PAX2: variants seen among roughly 807,000 people sequenced by gnomAD.
PAX2 encodes the protein paired box 2.
Under a neutral mutation model 41.7 loss-of-function variants are expected in PAX2, and 9 were observed. The observed-to-expected ratio is 0.22, with a 90% CI of 0.13 to 0.38. The LOEUF is 0.38. Ranked by LOEUF, PAX2 falls within the 10% of genes least tolerant of loss-of-function variation. The pLI is 1.00. For missense variants in PAX2, 418 were observed against 531.6 expected (o/e 0.79, Z 2.10); for synonymous variants, 221 against 212.7 (o/e 1.04, Z -0.34).
intron 6 of PAX2, 94 bp downstream of exon 6, chr10:100,806,699 AGCAT>A: frequency 4.8e-6 from 5 of 1,037,132 alleles, no homozygotes; most frequent in Non-Finnish European, 6.0e-6. Flanking sequence ...ATGCATAGCC[AGCAT>A]TGTATGTGTT....
intron 5 of PAX2, among the ~76,000 whole-genome samples, chr10:100,793,564 TAA>T (rs1286019400): frequency 6.6e-6 from 1 of 152,182 alleles, no homozygotes; most frequent in Non-Finnish European, 1.5e-5. Flanking sequence ...TCGGGGGAGC[TAA>T]GTTATTCAAA....
chr10:100,791,638 C>T lies in PAX2; in HGVS notation c.616+10273C>T, dbSNP rs1392937274. Among the ~76,000 whole-genome samples the T allele has an allele frequency of 2.0e-5, 3 of 152,194 alleles. No individual in the cohort carries two copies. The highest frequency in any genetic ancestry group is 1.9e-4 in the East Asian group (1 of 5,202). ...CGAGCCAGTGACAGAGGGAGAGATG[C>T]GCGGACACACTCACACACCCTTGCT... On this transcript the variant is annotated intron_variant, in intron 5 of 9. Transcript: ENST00000355243. This position sits in a 1 kb window ranked among gnomAD's most constrained non-coding sequence, Gnocchi z 4.5.
chr10:100,746,141 C>G lies in PAX2; in HGVS notation c.-120C>G. ...CCGCCCCCGCGCGCCCCGCAGCAGC[C>G]GGGCGTTCACTCATCCTCCCTCCCC... is the stretch of plus-strand genomic sequence containing the variant. On this transcript the variant is annotated 5_prime_UTR_variant, in exon 1 of 10. Transcript: ENST00000355243. 3 of 1,581,722 alleles carry G rather than the reference C, an allele frequency of 1.9e-6. No individual in the cohort carries two copies. The highest frequency in any genetic ancestry group is 1.1e-5 in the South Asian group (1 of 87,836).
rs777494044 is a variant in PAX2, at chr10:100,809,163, G to C, written c.846G>C (p.Ser282=). ...ALTPGLDEVK[S]SLSASTNPEL... The stretch of plus-strand genomic sequence containing the variant: ...CCCCTGGGCTTGATGAAGTCAAGTC[G>C]AGTCTATCTGCATCCACCAACCCTG... Residue 282 remains serine, a synonymous_variant, in exon 7 of 10, where the codon TCG becomes TCC. Coordinates refer to ENST00000355243, the MANE Select transcript of PAX2 (RefSeq NM_000278.5). 6.2e-7 allele frequency: 1 copy of C among 1,613,054 alleles called. No homozygotes were observed. Among genetic ancestry groups the C allele is most frequent in the Admixed American group, 1.7e-5 (1 of 60,010 alleles).
At chr10:100,747,110 G>A (rs764497219) in intron 1 of PAX2, 2 of 152,302 alleles carry the variant, frequency 1.3e-5, no homozygotes, top group Non-Finnish European at 2.9e-5. Context: ...GTCAGGGAGA[G>A]AGCCAGCAGC....
chr10:100,750,973 C>A lies in PAX2; in HGVS notation c.410+82C>A, dbSNP rs530687327. Reference sequence around the variant, plus strand: ...AGGGGTGTCCCACGCCCAGTCTCTGCTCTTTGTCCAGCCTCTGCCCTTTCT... The same window carrying A: ...AGGGGTGTCCCACGCCCAGTCTCTGATCTTTGTCCAGCCTCTGCCCTTTCT... On this transcript the variant is annotated intron_variant, in intron 3 of 9. Transcript: ENST00000355243. The surrounding 1 kb of genome is among the most constrained non-coding windows in gnomAD (Gnocchi z 4.1). 4 of 1,083,956 alleles carry A rather than the reference C, an allele frequency of 3.7e-6. No individual in the cohort carries two copies. The African/African-American group carries it at 4.6e-5, about 12-fold the overall frequency. 67.1% of individuals were successfully genotyped at this position (1,083,956 alleles called of 1,614,324 possible).
At chr10:100,780,131 C>A (rs1029974471) in intron 4 of PAX2, among the ~76,000 whole-genome samples, 5 of 152,070 alleles carry the variant, frequency 3.3e-5, no homozygotes, top group Non-Finnish European at 7.4e-5. Flanking sequence ...TGTCTTCCTC[C>A]TTCCTCATGG....
chr10:100,781,191 G>A (rs1379041220), intron 4 of PAX2, 55 bp from the exon 5 acceptor site: 51 of 1,604,640 alleles, frequency 3.2e-5, no homozygotes, highest in Non-Finnish European at 4.0e-5. Flanking sequence ...TTTGGCCTAC[G>A]ATCACAACTG....
At chr10:100,740,477 C>T (rs1266002714) in intron 1 of PAX2, among the ~76,000 whole-genome samples, 1 of 152,154 alleles carries the variant, frequency 6.6e-6, no homozygotes, top group African/African-American at 2.4e-5. Flanking sequence ...TCCCCAGTAA[C>T]CTTTATAGGA....
chr10:100,826,774 G>C lies in PAX2; in HGVS notation c.1022-235G>C, dbSNP rs1023665417. ...GCCCTGGGCGGGCACCGGCCCACAG[G>C]TCCCGCCCGTGGGTGTGCGAGCGCG... On this transcript the variant is annotated intron_variant, in intron 8 of 9. Coordinates refer to ENST00000355243, the MANE Select transcript of PAX2 (RefSeq NM_000278.5). The surrounding 1 kb of genome is among the most constrained non-coding windows in gnomAD (Gnocchi z 5.5). Among the ~76,000 whole-genome samples, 1 of 152,190 alleles carries C rather than the reference G, an allele frequency of 6.6e-6. No homozygotes were observed. The highest frequency in any genetic ancestry group is 1.5e-5 in the Non-Finnish European group (1 of 68,028).
At chr10:100,811,055 G>C (rs1055629484) in intron 7 of PAX2, among the ~76,000 whole-genome samples, 1 of 152,106 alleles carries the variant, frequency 6.6e-6, no homozygotes, top group Non-Finnish European at 1.5e-5. Flanking sequence ...ATTAACATTC[G>C]GAGCTGTTCA....
chr10:100,749,435 C>G (rs1301130540), intron 1 of PAX2: 2 of 1,220,972 alleles, frequency 1.6e-6, no homozygotes, highest in African/African-American at 3.1e-5. Flanking sequence ...ATGAATTCCC[C>G]TTTGGCATTT....
chr10:100,811,682 C>T (rs371189698), intron 7 of PAX2, among the ~76,000 whole-genome samples: 8 of 152,132 alleles, frequency 5.3e-5, no homozygotes, highest in Admixed American at 2.0e-4. Context: ...ATATTAAGGG[C>T]TTTGGTGGGA....
At position 100,829,015 on chromosome 10, in the gene PAX2, T is replaced by TG. The variant is rs994573801; in HGVS notation, c.*1403dup. On this transcript the variant is annotated 3_prime_UTR_variant, in exon 10 of 10. Coordinates refer to ENST00000355243, the MANE Select transcript of PAX2 (RefSeq NM_000278.5). ...CTGTGCTGTGAGAGTCGCCGCTCGC[T>TG]GGGGGGGAAGGGGGGGACACAGCTA... is the stretch of plus-strand genomic sequence containing the variant. 3 of 191,152 alleles carry TG rather than the reference T, an allele frequency of 1.6e-5. No homozygotes were observed. The highest frequency in any genetic ancestry group is 2.1e-4 in the South Asian group (1 of 4,728). 11.8% of individuals were successfully genotyped at this position (191,152 alleles called of 1,614,324 possible).
intron 3 of PAX2, among the ~76,000 whole-genome samples, chr10:100,764,114 T>C (rs1845931489): frequency 1.3e-5 from 2 of 152,092 alleles, no homozygotes; most frequent in South Asian, 2.1e-4. Flanking sequence ...TGCATTCTGC[T>C]TTGTGTATGC....
At chr10:100,820,478 G>A (rs1423436956) in intron 7 of PAX2, among the ~76,000 whole-genome samples, 1 of 152,136 alleles carries the variant, frequency 6.6e-6, no homozygotes, top group Non-Finnish European at 1.5e-5. Flanking sequence ...CAGCACTTTT[G>A]GAGGCCAAGG....
At position 100,829,244 on chromosome 10, in the gene PAX2, C is replaced by T; in HGVS notation, c.*1625C>T. 1 of 231,702 alleles carries T rather than the reference C, an allele frequency of 4.3e-6. No individual in the cohort carries two copies. The allele number at this position is 231,702 out of a possible 1,614,324, so 14.4% of individuals were successfully genotyped here. On this transcript the variant is annotated 3_prime_UTR_variant, in exon 10 of 10. Transcript: ENST00000355243. ...CCCTCTCTCCCTCTGCCCCTCTCTC[C>T]TCTCCGCTTCTCTCCCCCTCTGTCT...
intron 3 of PAX2, 45 bp from the exon 4 acceptor site, chr10:100,779,453 A>G (rs1846521551): frequency 6.8e-7 from 1 of 1,480,294 alleles, no homozygotes; most frequent in Non-Finnish European, 9.3e-7. Flanking sequence ...TGGCCGGGAT[A>G]GGAGTGGGCA....
In PAX2 at chr10:100,781,237, C is replaced by G. The variant is rs1338169074; in HGVS notation, c.497-9C>G. ...ATCCTGATGCCATTTCCTCCTTCCT[C>G]TCATCCAGTTCCCAGCACGGCCTCC... On this transcript the variant is annotated splice_polypyrimidine_tract_variant and intron_variant, in intron 4 of 9. Transcript: ENST00000355243. 1.9e-6 allele frequency: 3 copies of G among 1,613,986 alleles called. No individual in the cohort carries two copies. The East Asian group carries it at 6.7e-5, about 36-fold the overall frequency.
Sources: gnomAD v4.1 joint callset for allele counts (sites outside exome capture counted in the v4.1 genomes callset) on GRCh38, gnomAD v4.1.1 for gene constraint, Gnocchi (gnomAD v3.1) non-coding constraint, MANE v1.5 for transcripts, NCBI Gene and HGNC (gene_info 2026-07-23, HGNC 2026-07-21) for gene names.